Variants in KIF26B observed in about 807,000 individuals in gnomAD.
KIF26B encodes the protein kinesin family member 26B.
KIF26B carries 63 observed loss-of-function variants against 151.2 expected under a neutral mutation model. The ratio of observed to expected loss-of-function variants is 0.42; its 90% CI spans 0.34 to 0.51. The LOEUF is 0.51. Ranked by LOEUF, KIF26B falls within the 20% of genes least tolerant of loss-of-function variation. The probability of loss-of-function intolerance (pLI) is 0.07; values close to 1 mark genes in which losing one functional copy is unlikely to be tolerated. For synonymous variants in KIF26B, 1,357 were observed against 1,262.1 expected (o/e 1.08, Z -1.59); for missense variants, 2,813 against 2,913.6 (o/e 0.97, Z 0.79).
At position 245,458,893 on chromosome 1, in the gene KIF26B, C is replaced by A. The variant is rs1431828939; in HGVS notation, c.1166+39148C>A. 2.0e-5 allele frequency among the ~76,000 whole-genome samples: 3 copies of A among 152,298 alleles called. No homozygotes were observed. In the South Asian group the frequency reaches 6.2e-4, roughly 32 times the overall value. On this transcript the variant is annotated intron_variant, in intron 4 of 14. Transcript: ENST00000407071. ...GCCCAGTTAGGAGAGATGTTAGCGT[C>A]CTTAGCCTACAAATAAGGGCATAGA... is the stretch of plus-strand genomic sequence containing the variant.
chr1:245,308,811 A>G (rs1379483437), intron 2 of KIF26B, among the ~76,000 whole-genome samples: 1 of 152,214 alleles, frequency 6.6e-6, no homozygotes, highest in African/African-American at 2.4e-5. Context: ...TTAAGGGAAG[A>G]TGAGGATCAG....
intron 3 of KIF26B, among the ~76,000 whole-genome samples, chr1:245,372,018 C>T (rs1673140522): frequency 7.7e-6 from 1 of 129,080 alleles, no homozygotes; most frequent in African/African-American, 2.6e-5. Flanking sequence ...GCAGAAAATT[C>T]TCTAGCGCAG....
intron 5 of KIF26B, among the ~76,000 whole-genome samples, chr1:245,579,361 A>G (rs2043152820): frequency 6.6e-6 from 1 of 152,222 alleles, no homozygotes; most frequent in African/African-American, 2.4e-5. Flanking sequence ...AGCCAGGTGC[A>G]GTAGGGTGCA....
chr1:245,465,159 T>C (rs2103060288), intron 4 of KIF26B, among the ~76,000 whole-genome samples: 1 of 152,090 alleles, frequency 6.6e-6, no homozygotes, highest in East Asian at 1.9e-4. Context: ...TTTGTATTTT[T>C]AGTAGAGACG....
rs111749789 is a variant in KIF26B, at chr1:245,275,797, C to G, written c.466-91037C>G. Reference sequence around the variant, plus strand: ...TTTCCTATCTAGCATCCTTTCATTTCATCTTGAAAGACTCCCTTTAGTAAT... The same window carrying G: ...TTTCCTATCTAGCATCCTTTCATTTGATCTTGAAAGACTCCCTTTAGTAAT... On this transcript the variant is annotated intron_variant, in intron 2 of 14. Transcript: ENST00000407071. Among the ~76,000 whole-genome samples the G allele has an allele frequency of 2.1e-3, 320 of 152,226 alleles. 1 individual carries two copies. The highest frequency in any genetic ancestry group is 7.4e-3 in the African/African-American group (308 of 41,552).
At chr1:245,625,003 C>A (rs1217904051) in intron 9 of KIF26B, among the ~76,000 whole-genome samples, 2 of 151,966 alleles carry the variant, frequency 1.3e-5, no homozygotes, top group Non-Finnish European at 2.9e-5. Flanking sequence ...TCCAAAATTT[C>A]CAGTATCATT....
chr1:245,307,100 G>C (rs1573765422), intron 2 of KIF26B, among the ~76,000 whole-genome samples: 1 of 152,116 alleles, frequency 6.6e-6, no homozygotes, highest in South Asian at 2.1e-4. Flanking sequence ...CTGTAATCCT[G>C]GTAACTATTC....
At chr1:245,378,684 A>G (rs1335044916) in intron 3 of KIF26B, among the ~76,000 whole-genome samples, 2 of 152,196 alleles carry the variant, frequency 1.3e-5, no homozygotes, top group African/African-American at 4.8e-5. Flanking sequence ...CATTTTAATG[A>G]CAAAGAAAAC....
intron 7 of KIF26B, among the ~76,000 whole-genome samples, chr1:245,608,175 G>A (rs866841559): frequency 1.4e-4 from 22 of 152,290 alleles, no homozygotes; most frequent in South Asian, 6.2e-4. Flanking sequence ...CCCAGGGCGC[G>A]TCTGGAGAAA....
intron 2 of KIF26B, among the ~76,000 whole-genome samples, chr1:245,356,491 A>T (rs186333862): frequency 1.0e-3 from 156 of 152,198 alleles, no homozygotes; most frequent in Middle Eastern, 3.4e-3. Context: ...TAGGAGGCAG[A>T]GGTTGCAGTG....
rs984287000 is a variant in KIF26B, at chr1:245,698,370, A to G, written c.6027+62A>G. The G allele has an allele frequency of 3.3e-5, 49 of 1,482,370 alleles. No individual in the cohort carries two copies. The highest frequency in any genetic ancestry group is 4.4e-5 in the Non-Finnish European group (48 of 1,079,948). The allele number at this position is 1,482,370 out of a possible 1,614,324, so 91.8% of individuals were successfully genotyped here. ...TGGCAGCTCCCCACCAAGCCTGAGCAGGTGCTAGGCAGGGCCCTGGGGAAG... is the reference window on the plus strand; with the variant it reads ...TGGCAGCTCCCCACCAAGCCTGAGCGGGTGCTAGGCAGGGCCCTGGGGAAG... On this transcript the variant is annotated intron_variant, in intron 13 of 14. Transcript: ENST00000407071. This position sits in a 1 kb window ranked among gnomAD's most constrained non-coding sequence, Gnocchi z 4.0.
chr1:245,423,721 G>T (rs1658553214), intron 4 of KIF26B, among the ~76,000 whole-genome samples: 1 of 151,966 alleles, frequency 6.6e-6, no homozygotes, highest in Non-Finnish European at 1.5e-5. Context: ...GTCTATCCTG[G>T]GTCTGGAATT....
intron 2 of KIF26B, among the ~76,000 whole-genome samples, chr1:245,275,869 A>G (rs774947447): frequency 1.2e-4 from 19 of 152,218 alleles, no homozygotes; most frequent in South Asian, 4.2e-4. Context: ...GCTTTTGGTT[A>G]TTTGGGAAAG....
Position 245,250,019 on chromosome 1 carries a change from A to T in KIF26B, c.465+93336A>T, listed in dbSNP as rs529284108. 2.6e-4 allele frequency among the ~76,000 whole-genome samples: 40 copies of T among 152,340 alleles called. No homozygotes were observed. The East Asian group carries it at 6.5e-3, about 25-fold the overall frequency. On this transcript the variant is annotated intron_variant, in intron 2 of 14. Coordinates refer to ENST00000407071, the MANE Select transcript of KIF26B (RefSeq NM_018012.4). The stretch of plus-strand genomic sequence containing the variant: ...AATTTTAAAAATTATGAAACATATT[A>T]AAAAATTTAAATCTATAGGAAATAA...
chr1:245,262,283 G>C (rs1444607524), intron 2 of KIF26B, among the ~76,000 whole-genome samples: 1 of 152,118 alleles, frequency 6.6e-6, no homozygotes, highest in African/African-American at 2.4e-5. Flanking sequence ...ATTTTGCTTT[G>C]CATACAATTT....
rs183942386 is a variant in KIF26B, at chr1:245,381,883, G to A, written c.999+14516G>A. ...GGCATAATGTCCTCAAGTTTCATCC[G>A]TATTGTGTCATATGTCAGAATTTCC... is the stretch of plus-strand genomic sequence containing the variant. On this transcript the variant is annotated intron_variant, in intron 3 of 14. Transcript: ENST00000407071. Among the ~76,000 whole-genome samples the A allele has an allele frequency of 2.8e-4, 42 of 152,210 alleles. No homozygotes were observed. In the East Asian group the frequency reaches 4.6e-3, roughly 17 times the overall value.
rs1222374384 is a variant in KIF26B, at chr1:245,352,734, G to A, written c.466-14100G>A. ...GGGGACGGGGAGGTGAGTTTTCTTC[G>A]CATTTTTGGGAATCTCAACTCCTGA... On this transcript the variant is annotated intron_variant, in intron 2 of 14. Coordinates refer to ENST00000407071, the MANE Select transcript of KIF26B (RefSeq NM_018012.4). This position sits in a 1 kb window ranked among gnomAD's most constrained non-coding sequence, Gnocchi z 5.0. 6.6e-6 allele frequency among the ~76,000 whole-genome samples: 1 copy of A among 151,982 alleles called. No homozygotes were observed. The highest frequency in any genetic ancestry group is 1.5e-5 in the Non-Finnish European group (1 of 68,004).
At chr1:245,338,981 A>AG (rs35074757) in intron 2 of KIF26B, among the ~76,000 whole-genome samples, 102,952 of 145,508 alleles carry the variant, frequency 0.71, 39,149 homozygotes, top group Non-Finnish European at 0.86. Flanking sequence ...TTTTGCTTTT[A>AG]GGGTTTTTTT....
chr1:245,246,442 T>C (rs901864449), intron 2 of KIF26B, among the ~76,000 whole-genome samples: 6 of 152,208 alleles, frequency 3.9e-5, no homozygotes, highest in Non-Finnish European at 8.8e-5. Context: ...TGTTAAAATA[T>C]TGAGACACTG....
Sources: allele counts gnomAD v4.1 joint callset (sites outside exome capture counted in the v4.1 genomes callset), GRCh38; gene constraint gnomAD v4.1.1; non-coding constraint Gnocchi (gnomAD v3.1); transcripts MANE v1.5; gene names NCBI Gene and HGNC (gene_info 2026-07-23, HGNC 2026-07-21).